The following FOXP1 variants were observed in gnomAD, a reference collection of about 807,000 sequenced individuals.
FOXP1 encodes the protein forkhead box protein P1.
FOXP1 carries 15 observed loss-of-function variants against 98.2 expected under a neutral mutation model. The observed-to-expected ratio is 0.15, with a 90% confidence interval of 0.10 to 0.24. FOXP1 has a LOEUF of 0.24. FOXP1 is among the 10% of genes least tolerant of loss of function. FOXP1 has a pLI of 1.00. For synonymous variants in FOXP1, 371 were observed against 314.5 expected (o/e 1.18, Z -1.90); for missense variants, 633 against 848.5 (o/e 0.75, Z 3.15).
intron 5 of FOXP1, 22 bp from the exon 6 acceptor site, chr3:71,198,414 TGGGGGGA>T: frequency 6.5e-6 from 1 of 154,644 alleles, no homozygotes; most frequent in Non-Finnish European, 1.3e-5. Context: ...ATTTCCAAGA[TGGGGGGA>T]GGGAGGGGGG....
At chr3:71,167,020 A>G in intron 6 of FOXP1, among the ~76,000 whole-genome samples, 1 of 152,058 alleles carries the variant, frequency 6.6e-6, no homozygotes, top group East Asian at 1.9e-4. Context: ...ATCAATCAAG[A>G]GGCCAGCTTT....
At chr3:71,232,873 GTC>G (rs2066414866) in intron 5 of FOXP1, among the ~76,000 whole-genome samples, 1 of 8,162 alleles carries the variant, frequency 1.2e-4, no homozygotes, top group Non-Finnish European at 3.3e-4. Context: ...GCAAAACTCT[GTC>G]TCAAAAAAAA....
intron 3 of FOXP1, among the ~76,000 whole-genome samples, chr3:71,443,176 G>C (rs1286205690): frequency 1.3e-5 from 2 of 152,208 alleles, no homozygotes; most frequent in African/African-American, 4.8e-5. Flanking sequence ...TCACAGGCGT[G>C]AGCCACCACG....
At chr3:71,130,827 T>G (rs2059528185) in intron 6 of FOXP1, 1 of 1,432,346 alleles carries the variant, frequency 7.0e-7, no homozygotes, top group African/African-American at 1.4e-5. Flanking sequence ...CAGGTAATTT[T>G]CAAAGTTGCA....
At chr3:71,402,562 C>A (rs1475112135) in intron 3 of FOXP1, among the ~76,000 whole-genome samples, 1 of 152,226 alleles carries the variant, frequency 6.6e-6, no homozygotes, top group African/African-American at 2.4e-5. Context: ...GAGATCTATA[C>A]ATGTCAACAT....
intron 6 of FOXP1, among the ~76,000 whole-genome samples, chr3:71,191,675 C>CA (rs762781452): frequency 1.3e-5 from 2 of 152,176 alleles, no homozygotes; most frequent in Admixed American, 6.5e-5. Flanking sequence ...TCTAAACTAA[C>CA]AGAGTAGAGA....
At chr3:71,042,847 T>C (rs1376177592) in intron 10 of FOXP1, among the ~76,000 whole-genome samples, 1 of 152,214 alleles carries the variant, frequency 6.6e-6, no homozygotes, top group East Asian at 1.9e-4. Flanking sequence ...TAGATAATCA[T>C]CTCAACGTGA....
chr3:70,959,486 C>T (rs570166483), intron 20 of FOXP1, 95 bp from the exon 21 acceptor site: 2 of 1,290,888 alleles, frequency 1.5e-6, no homozygotes, highest in African/African-American at 1.5e-5. Flanking sequence ...AAGCCGCACT[C>T]TAGAACTAGA....
At chr3:71,449,201 T>C (rs2086713626) in intron 3 of FOXP1, among the ~76,000 whole-genome samples, 1 of 152,164 alleles carries the variant, frequency 6.6e-6, no homozygotes, top group African/African-American at 2.4e-5. Flanking sequence ...TTTTTCTTAA[T>C]TGCAAAAATA....
chr3:71,410,755 A>G (rs2082669073), intron 3 of FOXP1, among the ~76,000 whole-genome samples: 1 of 152,224 alleles, frequency 6.6e-6, no homozygotes, highest in Non-Finnish European at 1.5e-5. Context: ...GCTTTGTTCC[A>G]TGATACCTTA....
chr3:71,130,908 G>A (rs2059534734), intron 6 of FOXP1: 3 of 1,355,930 alleles, frequency 2.2e-6, no homozygotes, highest in Non-Finnish European at 1.9e-6. Context: ...CAGCGACACA[G>A]CACACGCAGT....
chr3:71,273,737 A>G (rs543350762), intron 5 of FOXP1, among the ~76,000 whole-genome samples: 1 of 152,212 alleles, frequency 6.6e-6, no homozygotes, highest in Admixed American at 6.5e-5. Flanking sequence ...AGAGAAATAA[A>G]TAACAATACA....
intron 7 of FOXP1, among the ~76,000 whole-genome samples, chr3:71,105,035 A>C (rs2057308645): frequency 6.6e-6 from 1 of 152,220 alleles, no homozygotes; most frequent in South Asian, 2.1e-4. Context: ...TGCTTTTACA[A>C]GTTCAATCTA....
intron 5 of FOXP1, among the ~76,000 whole-genome samples, chr3:71,255,955 A>G (rs1204190017): frequency 6.6e-6 from 1 of 152,188 alleles, no homozygotes; most frequent in African/African-American, 2.4e-5. Context: ...TTCCTGGTCT[A>G]TATTAATCTC....
At chr3:71,529,417 A>T (rs1175990310) in intron 2 of FOXP1, among the ~76,000 whole-genome samples, 1 of 152,188 alleles carries the variant, frequency 6.6e-6, no homozygotes, top group Non-Finnish European at 1.5e-5. Flanking sequence ...TTCTTGGCAC[A>T]TAGTCCTTAA....
chr3:71,541,484 C>T (rs546288875), intron 2 of FOXP1, among the ~76,000 whole-genome samples: 18 of 152,202 alleles, frequency 1.2e-4, no homozygotes, highest in African/African-American at 4.3e-4. Context: ...GATCAGGTTA[C>T]AGTGTGAAGG....
chr3:70,958,571 C>T lies in FOXP1; in HGVS notation c.*676G>A, dbSNP rs895699086. The T allele has an allele frequency of 1.7e-5, 4 of 241,090 alleles. No individual in the cohort carries two copies. Among genetic ancestry groups the T allele is most frequent in the Non-Finnish European group, 3.2e-5 (4 of 124,544 alleles). 14.9% of individuals were successfully genotyped at this position (241,090 alleles called of 1,614,324 possible). On this transcript the variant is annotated 3_prime_UTR_variant, in exon 21 of 21. Coordinates refer to ENST00000649528, the MANE Select transcript of FOXP1 (RefSeq NM_001349338.3). ...CAAGGTACAGAAAACTTTAAGCCTC[C>T]AAGAGGCCATCGGCCCAAATGGAGG...
At chr3:71,307,299 A>C (rs1358800575) in intron 4 of FOXP1, among the ~76,000 whole-genome samples, 1 of 152,218 alleles carries the variant, frequency 6.6e-6, no homozygotes, top group Non-Finnish European at 1.5e-5. Flanking sequence ...CTATTTCAAA[A>C]GCAATTTTAA....
chr3:71,228,201 A>G (rs917852334), intron 5 of FOXP1, among the ~76,000 whole-genome samples: 24 of 152,348 alleles, frequency 1.6e-4, no homozygotes, highest in African/African-American at 5.3e-4. Flanking sequence ...GTTCTAGGTC[A>G]CTGGGATGCT....
Sources: allele counts gnomAD v4.1 joint callset (sites outside exome capture counted in the v4.1 genomes callset), GRCh38; gene constraint gnomAD v4.1.1; transcripts MANE v1.5; gene names NCBI Gene and HGNC (gene_info 2026-07-23, HGNC 2026-07-21).